The following EP400 variants were observed in gnomAD, a reference collection of about 807,000 sequenced individuals.
The protein encoded by EP400 is E1A-binding protein p400.
Under a neutral mutation model 354.1 loss-of-function variants are expected in EP400, and 105 were observed. The observed-to-expected ratio is 0.30, with a 90% confidence interval of 0.25 to 0.35. The LOEUF (loss-of-function observed/expected upper bound fraction) is 0.35. EP400 is among the 10% of genes least tolerant of loss of function. The probability of loss-of-function intolerance (pLI) is 1.00; values close to 1 mark genes in which losing one functional copy is unlikely to be tolerated. For missense variants in EP400, 3,280 were observed against 4,121.0 expected (o/e 0.80, Z 5.59); for synonymous variants, 1,646 against 1,716.9 (o/e 0.96, Z 1.02).
chr12:131,984,161 G>A (rs1039171937), intron 5 of EP400, among the ~76,000 whole-genome samples: 8 of 152,204 alleles, frequency 5.3e-5, no homozygotes, highest in African/African-American at 1.9e-4. Context: ...GCCTTCCAAA[G>A]TGCTGGGATT....
chr12:131,979,258 G>A (rs1370615937), intron 2 of EP400, among the ~76,000 whole-genome samples: 1 of 152,090 alleles, frequency 6.6e-6, no homozygotes, highest in Non-Finnish European at 1.5e-5. Context: ...TTATTAATTG[G>A]GGTTTTAGTG....
chr12:132,004,893 A>G (rs1442288361), intron 12 of EP400, among the ~76,000 whole-genome samples, 184 bp from the exon 13 acceptor site: 1 of 152,220 alleles, frequency 6.6e-6, no homozygotes, highest in Non-Finnish European at 1.5e-5. Context: ...TTTAGAAAAA[A>G]CAAGTGTGCT....
chr12:132,013,094 G>T lies in EP400; in HGVS notation c.3527G>T (p.Arg1176Leu). 1 of 1,614,092 alleles carries T rather than the reference G, an allele frequency of 6.2e-7. No homozygotes were observed. The highest frequency in any genetic ancestry group is 8.5e-7 in the Non-Finnish European group (1 of 1,180,012). ...GGCCTCACCGCCTTCACACGAGTGCGCTGGAAGTGCCTGGTCATTGATGAG... is the reference window on the plus strand; with the variant it reads ...GGCCTCACCGCCTTCACACGAGTGCTCTGGAAGTGCCTGGTCATTGATGAG... ...FRGLTAFTRV[R>L]WKCLVIDEMQ... Residue 1176 changes from arginine (R) to leucine (L), a missense_variant, in exon 17 of 53, where the codon CGC (arginine) becomes CTC (leucine). Physicochemically the swap from Arg to Leu is moderately radical, Grantham distance 102 (BLOSUM62 -2). Around this residue, in one of 20 missense-constraint regions of EP400, gnomAD observed 242 missense variants for 357.9 expected, o/e 0.68. Coordinates refer to ENST00000389561, the MANE Select transcript of EP400 (RefSeq NM_015409.5). The surrounding 1 kb of genome is among the most constrained non-coding windows in gnomAD (Gnocchi z 4.5).
intron 13 of EP400, 146 bp from the exon 14 acceptor site, chr12:132,005,966 T>A (rs1423366868): frequency 1.4e-6 from 1 of 732,542 alleles, no homozygotes; most frequent in Admixed American, 3.1e-5. Flanking sequence ...CATTGTTAGA[T>A]ATTTTGGATT....
rs1892998902 is a variant in EP400 at position 131,990,540 on chromosome 12, T to A, written c.2551-96T>A. ...CTGACGAGGCTGGAAAACACTGTTTTCAGACTCTGCTTATGTGCTTTAGTG... is the reference window on the plus strand; with the variant it reads ...CTGACGAGGCTGGAAAACACTGTTTACAGACTCTGCTTATGTGCTTTAGTG... On this transcript the variant is annotated intron_variant, in intron 8 of 52. Coordinates refer to ENST00000389561, the MANE Select transcript of EP400 (RefSeq NM_015409.5). This position sits in a 1 kb window ranked among gnomAD's most constrained non-coding sequence, Gnocchi z 4.2. The A allele has an allele frequency of 2.2e-6, 2 of 924,884 alleles. No individual in the cohort carries two copies. The highest frequency in any genetic ancestry group is 3.3e-5 in the African/African-American group (2 of 60,200). The allele number at this position is 924,884 out of a possible 1,614,324, so 57.3% of individuals were successfully genotyped here.
intron 32 of EP400, among the ~76,000 whole-genome samples, chr12:132,039,545 T>G (rs1432517023): frequency 6.6e-6 from 1 of 152,172 alleles, no homozygotes; most frequent in Non-Finnish European, 1.5e-5. Flanking sequence ...TGAGAATTTA[T>G]AATGAAAAGC....
chr12:131,969,042 T>C (rs1892199267), intron 2 of EP400, among the ~76,000 whole-genome samples: 1 of 146,496 alleles, frequency 6.8e-6, no homozygotes, highest in Non-Finnish European at 1.5e-5. Flanking sequence ...TTTCTTTACT[T>C]TTCTTTTTTT....
chr12:132,046,427 C>T (rs1388616765), intron 39 of EP400, among the ~76,000 whole-genome samples: 4 of 152,284 alleles, frequency 2.6e-5, no homozygotes, highest in South Asian at 2.1e-4. Context: ...TTGTTTTGAT[C>T]GTGGCGTACT....
chr12:132,009,470 C>T (rs1039717434), intron 15 of EP400, among the ~76,000 whole-genome samples: 1 of 152,122 alleles, frequency 6.6e-6, no homozygotes, highest in African/African-American at 2.4e-5. Flanking sequence ...GGAGCAAGGT[C>T]TCAGGGAGAT....
At chr12:131,967,957 CAG>C (rs1593314596) in intron 2 of EP400, among the ~76,000 whole-genome samples, 1 of 152,136 alleles carries the variant, frequency 6.6e-6, no homozygotes, top group African/African-American at 2.4e-5. Flanking sequence ...CCCATTTTTT[CAG>C]AGTTATTACT....
intron 39 of EP400, among the ~76,000 whole-genome samples, chr12:132,046,478 C>G (rs1379380020): frequency 6.6e-6 from 1 of 152,192 alleles, no homozygotes; most frequent in African/African-American, 2.4e-5. Flanking sequence ...TATTCTGGTA[C>G]CGAAAGACTG....
At position 132,054,893 on chromosome 12, in the gene EP400, G is replaced by T; in HGVS notation, c.7729-81G>T. 2 of 1,412,932 alleles carry T rather than the reference G, an allele frequency of 1.4e-6. No individual in the cohort carries two copies. Among genetic ancestry groups the T allele is most frequent in the Non-Finnish European group, 1.0e-6 (1 of 1,001,064 alleles). 87.5% of individuals were successfully genotyped at this position (1,412,932 alleles called of 1,614,324 possible). On this transcript the variant is annotated intron_variant, in intron 43 of 52. Coordinates refer to ENST00000389561, the MANE Select transcript of EP400 (RefSeq NM_015409.5). The surrounding 1 kb of genome is among the most constrained non-coding windows in gnomAD (Gnocchi z 4.0). ...TGTCGTGGAGTTTGGATTTGATTCT[G>T]AATGAAGTGGAAGCCTTTGGAGGAT...
In EP400 at chr12:132,031,648, C is replaced by T. The variant is rs1245760268; in HGVS notation, c.5755-305C>T. Among the ~76,000 whole-genome samples, 6 of 152,276 alleles carry T rather than the reference C, an allele frequency of 3.9e-5. No homozygotes were observed. In the East Asian group the frequency reaches 5.8e-4, roughly 15 times the overall value. ...ATCTTGGCTCACTGCAGGCTCCTCC[C>T]GGGTTCACGCCATTCTCCTGCCACA... On this transcript the variant is annotated intron_variant, in intron 29 of 52. Transcript: ENST00000389561.
At chr12:131,964,264 C>T (rs1892000317) in intron 2 of EP400, among the ~76,000 whole-genome samples, 2 of 152,108 alleles carry the variant, frequency 1.3e-5, no homozygotes, top group Admixed American at 6.6e-5. Context: ...GTCAGGAATT[C>T]GAGACCAGCC....
intron 32 of EP400, among the ~76,000 whole-genome samples, chr12:132,039,056 G>A (rs887074390): frequency 6.6e-6 from 1 of 151,998 alleles, no homozygotes; most frequent in Non-Finnish European, 1.5e-5. Flanking sequence ...CTCAGCACCT[G>A]TCCGCCGACA....
intron 43 of EP400, among the ~76,000 whole-genome samples, 159 bp downstream of exon 43, chr12:132,053,756 C>T (rs1459070864): frequency 2.0e-5 from 3 of 152,248 alleles, no homozygotes. Flanking sequence ...GGCTTAGTCT[C>T]ATCCCAGAGG....
At chr12:132,040,624 A>G (rs890087017) in intron 32 of EP400, among the ~76,000 whole-genome samples, 2 of 152,244 alleles carry the variant, frequency 1.3e-5, no homozygotes, top group African/African-American at 4.8e-5. Flanking sequence ...GAAAAAAGAC[A>G]AAAATTTCAT....
chr12:131,979,792 A>C lies in EP400; in HGVS notation c.1434A>C (p.Ala478=). 1 of 1,603,818 alleles carries C rather than the reference A, an allele frequency of 6.2e-7. No homozygotes were observed. Among genetic ancestry groups the C allele is most frequent in the South Asian group, 1.1e-5 (1 of 89,496 alleles). Residue 478 remains alanine, a splice_region_variant and synonymous_variant, in exon 3 of 53, where the codon GCA becomes GCC. Coordinates refer to ENST00000389561, the MANE Select transcript of EP400 (RefSeq NM_015409.5). ...RQQAMPSTGM[A]EQSKRPRLEV... ...AGGCGATGCCCTCCACAGGTATGGC[A>C]GGTACGTCGGCACGGCTAGCGTGGC... is the stretch of plus-strand genomic sequence containing the variant.
At chr12:132,042,919 G>A (rs1019305391) in intron 32 of EP400, among the ~76,000 whole-genome samples, 5 of 152,226 alleles carry the variant, frequency 3.3e-5, no homozygotes, top group African/African-American at 1.2e-4. Context: ...GTCCTGCTGT[G>A]TCTGTCAGGA....
Sources: gnomAD v4.1 joint callset for allele counts (sites outside exome capture counted in the v4.1 genomes callset) on GRCh38, gnomAD v4.1.1 for gene constraint, gnomAD v4.1.1 regional missense constraint, Gnocchi (gnomAD v3.1) non-coding constraint, MANE v1.5 for transcripts, NCBI Gene and HGNC (gene_info 2026-07-23, HGNC 2026-07-21) for gene names.